MAP3K15: variants seen among roughly 807,000 people sequenced by gnomAD.
MAP3K15 encodes MAPK/ERK kinase kinase 15.
A neutral mutation model predicts 99.5 loss-of-function variants in MAP3K15; 124 were observed. The observed-to-expected ratio is 1.25, with a 90% CI of 1.08 to 1.45. MAP3K15 has a LOEUF of 1.45. Among genes scored for constraint, MAP3K15 ranks in the 40% most tolerant of loss-of-function variants. The pLI is 0.00. For synonymous variants in MAP3K15, 494 were observed against 439.6 expected (o/e 1.12, Z -1.55); for missense variants, 1,242 against 1,079.7 (o/e 1.15, Z -2.11).
rs1338791327 is a variant in MAP3K15 at position 19,515,494 on chromosome X, G to T, written c.-233C>A. Among the ~76,000 whole-genome samples the T allele has an allele frequency of 9.0e-6, 1 of 110,720 alleles. No individual in the cohort carries two copies. The highest frequency in any genetic ancestry group is 1.9e-5 in the Non-Finnish European group (1 of 52,465). On this transcript the variant is annotated 5_prime_UTR_variant, in exon 1 of 29. Coordinates refer to ENST00000338883, the MANE Select transcript of MAP3K15 (RefSeq NM_001001671.4). ...CCAAGGCCCCCAGCGCCCTTTGAAG[G>T]CCGGAGAGAAAGAGGCGGGGGCTGG... is the stretch of plus-strand genomic sequence containing the variant.
rs760910268 is a variant in MAP3K15, at chrX:19,484,679, G to A, written c.525+1803C>T. 2.1e-3 allele frequency among the ~76,000 whole-genome samples: 235 copies of A among 111,848 alleles called. 5 individuals carry two copies. The highest frequency in any genetic ancestry group is 2.5e-3 in the Non-Finnish European group (133 of 53,128). On this transcript the variant is annotated intron_variant, in intron 3 of 28. Coordinates refer to ENST00000338883, the MANE Select transcript of MAP3K15 (RefSeq NM_001001671.4). ...ACAGTGAGGAATGGAGAAAGAAAAC[G>A]AGTTGTCTTCCTTGCTCCTTGCCTC...
intron 1 of MAP3K15, among the ~76,000 whole-genome samples, chrX:19,507,943 C>T (rs1274044778): frequency 8.9e-6 from 1 of 112,435 alleles, no homozygotes; most frequent in Non-Finnish European, 1.9e-5. Flanking sequence ...TCTCAGCTCA[C>T]TGCAACCTCT....
At chrX:19,423,482 A>G (rs1156723863) in intron 9 of MAP3K15, among the ~76,000 whole-genome samples, 2 of 112,222 alleles carry the variant, frequency 1.8e-5, no homozygotes, top group African/African-American at 6.5e-5. Flanking sequence ...TTTTTGGAAT[A>G]TAGTTGCCAG....
intron 17 of MAP3K15, 22 bp downstream of exon 17, chrX:19,392,321 G>C (rs772996073): frequency 8.4e-7 from 1 of 1,196,374 alleles, no homozygotes; most frequent in Non-Finnish European, 1.1e-6. Flanking sequence ...AGGCAACCTC[G>C]TCAGCTTAAA....
In MAP3K15 at chrX:19,369,210, G is replaced by T. The variant is rs1346816456; in HGVS notation, c.3410C>A (p.Ala1137Asp). 1 of 1,209,289 alleles carries T rather than the reference G, an allele frequency of 8.3e-7. No homozygotes were observed. The highest frequency in any genetic ancestry group is 1.1e-6 in the Non-Finnish European group (1 of 894,960). ...AVTILIPELR[A>D]HFEPTCETEG... ...AGTCTCACAGGTAGGCTCAAAGTGG[G>T]CTCGGAGCTCTGCAAATCACACAAG... The change falls in exon 25 of 29, where the codon GCC becomes GAC. Residue 1137 changes from alanine (A) to aspartate (D), a missense_variant. Ala to Asp is a moderately radical substitution (Grantham distance 126). Coordinates refer to ENST00000338883, the MANE Select transcript of MAP3K15 (RefSeq NM_001001671.4).
intron 9 of MAP3K15, among the ~76,000 whole-genome samples, chrX:19,417,167 C>T (rs2063742973): frequency 8.9e-6 from 1 of 112,139 alleles, no homozygotes; most frequent in Non-Finnish European, 1.9e-5. Flanking sequence ...GTACCAGGTA[C>T]ATCTCACTGG....
At position 19,362,762 on chromosome X, in the gene MAP3K15, G is replaced by C. The variant is rs764208000; in HGVS notation, c.3655C>G (p.Leu1219Val). The C allele has an allele frequency of 8.5e-7, 1 of 1,176,826 alleles. No individual in the cohort carries two copies. The highest frequency in any genetic ancestry group is 1.8e-5 in the African/African-American group (1 of 56,654). Reference sequence around the variant, plus strand: ...CAATTCGATTTTAATTTTAACTGAAGGTGATACAATTCTTGAGTTTTCTGT... The same window carrying C: ...CAATTCGATTTTAATTTTAACTGAACGTGATACAATTCTTGAGTTTTCTGT... ...LEQKTQELYH[L>V]QLKLKSNCIT... Residue 1219 changes from leucine to valine, a missense_variant, in exon 26 of 29, where the codon CTT (leucine) becomes GTT (valine). Physicochemically the swap from Leu to Val is conservative, Grantham distance 32. Coordinates refer to ENST00000338883, the MANE Select transcript of MAP3K15 (RefSeq NM_001001671.4).
chrX:19,397,806 G>A (rs2063577365), intron 15 of MAP3K15, among the ~76,000 whole-genome samples: 1 of 111,247 alleles, frequency 9.0e-6, no homozygotes, highest in Admixed American at 9.6e-5. Flanking sequence ...GGCCGGGCGC[G>A]GTGGCTCATG....
At chrX:19,375,776 T>C (rs1436584947) in intron 19 of MAP3K15, among the ~76,000 whole-genome samples, 1 of 112,574 alleles carries the variant, frequency 8.9e-6, no homozygotes, top group Non-Finnish European at 1.9e-5. Context: ...CCCCACTTCC[T>C]GTCCCCAAGG....
chrX:19,380,372 G>T, intron 18 of MAP3K15, 95 bp from the exon 19 acceptor site: 1 of 939,349 alleles, frequency 1.1e-6, no homozygotes, highest in Non-Finnish European at 1.5e-6. Context: ...GAGGCAGGAG[G>T]ATCACCTGAG....
At chrX:19,433,954 A>G (rs965985486) in intron 6 of MAP3K15, among the ~76,000 whole-genome samples, 1 of 111,668 alleles carries the variant, frequency 9.0e-6, no homozygotes, top group African/African-American at 3.3e-5. Context: ...TAATCATTAT[A>G]AAGGGACAGA....
At chrX:19,483,659 G>A (rs937006323) in intron 3 of MAP3K15, among the ~76,000 whole-genome samples, 1 of 110,901 alleles carries the variant, frequency 9.0e-6, no homozygotes, top group Non-Finnish European at 1.9e-5. Flanking sequence ...CTCTGGGGTC[G>A]TATGATCCAG....
chrX:19,371,078 A>AAT lies in MAP3K15; in HGVS notation c.3295-15_3295-14insAT. 9.3e-7 allele frequency: 1 copy of AAT among 1,071,498 alleles called. No individual in the cohort carries two copies. Among genetic ancestry groups the AAT allele is most frequent in the Non-Finnish European group, 1.2e-6 (1 of 807,850 alleles). 88.3% of individuals were successfully genotyped at this position (1,071,498 alleles called of 1,213,427 possible). On this transcript the variant is annotated splice_polypyrimidine_tract_variant and intron_variant, in intron 23 of 28. Transcript: ENST00000338883. ...AATTTTATTTACCTAAAAAAAAAAA[A>AAT]AATAATAAAATAAACTAAAATCACA...
At chrX:19,403,039 A>G (rs1459970399) in intron 13 of MAP3K15, among the ~76,000 whole-genome samples, 2 of 111,632 alleles carry the variant, frequency 1.8e-5, no homozygotes, top group East Asian at 5.6e-4. Context: ...TTGTAGGTCA[A>G]GAACAGGTGA....
intron 18 of MAP3K15, among the ~76,000 whole-genome samples, chrX:19,383,352 G>A (rs893878335): frequency 3.6e-5 from 4 of 112,411 alleles, no homozygotes; most frequent in African/African-American, 1.3e-4. Flanking sequence ...CAAAGAGCAA[G>A]AGAATACATT....
chrX:19,390,555 AAATAT>A (rs2063520935), intron 18 of MAP3K15, among the ~76,000 whole-genome samples: 1 of 104,917 alleles, frequency 9.5e-6, no homozygotes, highest in Non-Finnish European at 1.9e-5. Context: ...TATAATATAT[AAATAT>A]AATATGTAAT....
At chrX:19,485,258 A>G (rs913470258) in intron 3 of MAP3K15, among the ~76,000 whole-genome samples, 1 of 93,481 alleles carries the variant, frequency 1.1e-5, no homozygotes, top group Non-Finnish European at 2.1e-5. Flanking sequence ...GCAGTGAGCC[A>G]AGATCACACC....
chrX:19,413,918 T>C (rs1235427399), intron 10 of MAP3K15, among the ~76,000 whole-genome samples: 2 of 108,618 alleles, frequency 1.8e-5, no homozygotes, highest in Non-Finnish European at 3.8e-5. Context: ...GAGGGCACTT[T>C]GGGAGGCCAA....
chrX:19,435,914 G>A (rs749752109), intron 6 of MAP3K15, among the ~76,000 whole-genome samples: 8 of 112,277 alleles, frequency 7.1e-5, no homozygotes, highest in Non-Finnish European at 1.1e-4. Flanking sequence ...AGCACTTTGG[G>A]AGGCCAAGGC....
Sources: allele counts gnomAD v4.1 joint callset (sites outside exome capture counted in the v4.1 genomes callset), GRCh38; gene constraint gnomAD v4.1.1; transcripts MANE v1.5; gene names NCBI Gene and HGNC (gene_info 2026-07-23, HGNC 2026-07-21).